The following HERC1 variants were observed in gnomAD, a reference collection of about 807,000 sequenced individuals.
HERC1 encodes HECT and RLD domain containing E3 ubiquitin protein ligase family member 1.
A neutral mutation model predicts 554.3 loss-of-function variants in HERC1; 160 were observed. That is an observed-to-expected ratio of 0.29 (90% confidence interval 0.25 to 0.33). The LOEUF (loss-of-function observed/expected upper bound fraction) is 0.33. Among genes scored for constraint, HERC1 ranks in the 10% least tolerant of loss-of-function variants. The probability of loss-of-function intolerance (pLI) is 1.00; values close to 1 mark genes in which losing one functional copy is unlikely to be tolerated. For synonymous variants in HERC1, 2,175 were observed against 2,131.7 expected (o/e 1.02, Z -0.56); for missense variants, 4,919 against 5,918.5 (o/e 0.83, Z 5.54).
chr15:63,769,707 T>G (rs1292968294), intron 2 of HERC1, among the ~76,000 whole-genome samples: 1 of 151,714 alleles, frequency 6.6e-6, no homozygotes, highest in Non-Finnish European at 1.5e-5. Context: ...TATAAAAAAA[T>G]TAGCCAGGCA....
rs2069262673 is a variant in HERC1 at position 63,645,026 on chromosome 15, G to A, written c.11150C>T (p.Ala3717Val). The change falls in exon 57 of 78, where the codon GCA becomes GTA. Residue 3717 changes from alanine to valine, a missense_variant. By Grantham distance (64) the Ala-to-Val change is moderately conservative (BLOSUM62 0). Coordinates refer to ENST00000443617, the MANE Select transcript of HERC1 (RefSeq NM_003922.4). The part of the protein sequence containing the change: ...QDTTQTNVTS[A>V]EGWWEQESNC... ...TGATTCCTGCTCCCACCATCCTTCTGCACTAGTCACATTGGTCTGTGTAGT... is the reference window on the plus strand; with the variant it reads ...TGATTCCTGCTCCCACCATCCTTCTACACTAGTCACATTGGTCTGTGTAGT... 1 of 1,613,430 alleles carries A rather than the reference G, an allele frequency of 6.2e-7. No homozygotes were observed. The highest frequency in any genetic ancestry group is 8.5e-7 in the Non-Finnish European group (1 of 1,179,498).
chr15:63,737,818 A>T (rs1407811942), intron 12 of HERC1, among the ~76,000 whole-genome samples: 2 of 152,194 alleles, frequency 1.3e-5, no homozygotes, highest in African/African-American at 4.8e-5. Flanking sequence ...CAAAGGATCA[A>T]AAATTTGAAG....
intron 36 of HERC1, among the ~76,000 whole-genome samples, chr15:63,678,636 T>G (rs986304974): frequency 6.6e-6 from 1 of 152,100 alleles, no homozygotes; most frequent in Non-Finnish European, 1.5e-5. Context: ...AAGATGAATA[T>G]AGAGACCAAG....
chr15:63,693,089 A>T lies in HERC1; in HGVS notation c.5675-523T>A, dbSNP rs541348291. Among the ~76,000 whole-genome samples the T allele has an allele frequency of 4.6e-3, 706 of 152,162 alleles. 1 individual carries two copies. The highest frequency in any genetic ancestry group is 8.1e-3 in the Non-Finnish European group (549 of 67,978). ...CCAGCCACTCAGGCTGAGGCAGCAC[A>T]ATCGCTTGAACCTGGGAGGCAGAGG... On this transcript the variant is annotated intron_variant, in intron 30 of 77. Transcript: ENST00000443617.
intron 1 of HERC1, among the ~76,000 whole-genome samples, chr15:63,821,960 A>C (rs2077714992): frequency 6.6e-6 from 1 of 152,060 alleles, no homozygotes; most frequent in Non-Finnish European, 1.5e-5. Flanking sequence ...AAGTGCCATA[A>C]AAAAAAGTAA....
chr15:63,627,770 T>C (rs899573199), intron 70 of HERC1, among the ~76,000 whole-genome samples: 3 of 151,492 alleles, frequency 2.0e-5, no homozygotes, highest in Admixed American at 6.6e-5. Context: ...CTGGAAGGAA[T>C]GGAAGATAGA....
In HERC1 at chr15:63,692,638, C is replaced by T. The variant is rs1366328770; in HGVS notation, c.5675-72G>A. On this transcript the variant is annotated intron_variant, in intron 30 of 77. Transcript: ENST00000443617. The surrounding 1 kb of genome is among the most constrained non-coding windows in gnomAD (Gnocchi z 4.7). ...AATAGTCTTATATCACATAATTTAC[C>T]TTGAAACTGCAGTAAGCACAAATCT... The T allele has an allele frequency of 7.7e-7, 1 of 1,290,952 alleles. No homozygotes were observed. Among genetic ancestry groups the T allele is most frequent in the African/African-American group, 1.5e-5 (1 of 66,712 alleles). The allele number at this position is 1,290,952 out of a possible 1,614,324, so 80.0% of individuals were successfully genotyped here.
At chr15:63,656,909 T>C (rs1240229415) in intron 48 of HERC1, among the ~76,000 whole-genome samples, 1 of 152,238 alleles carries the variant, frequency 6.6e-6, no homozygotes, top group Non-Finnish European at 1.5e-5. Flanking sequence ...GACATATACA[T>C]GAAATCTGCC....
rs146713718 is a variant in HERC1, at chr15:63,767,247, C to T, written c.931-3056G>A. ...CGAACTACTGACCTCAGGCAATCCACCCGTCTCGGCCTCCCAAAGTGCTGG... is the reference window on the plus strand; with the variant it reads ...CGAACTACTGACCTCAGGCAATCCATCCGTCTCGGCCTCCCAAAGTGCTGG... On this transcript the variant is annotated intron_variant, in intron 2 of 77. Transcript: ENST00000443617. Among the ~76,000 whole-genome samples the T allele has an allele frequency of 7.0e-3, 1,069 of 151,774 alleles. 14 individuals carry two copies. Among genetic ancestry groups the T allele is most frequent in the African/African-American group, 0.025 (1,029 of 41,406 alleles).
chr15:63,723,193 G>T lies in HERC1; in HGVS notation c.3731C>A (p.Ala1244Asp). Residue 1244 changes from alanine (A) to aspartate (D), a missense_variant, in exon 19 of 78, where the codon GCT becomes GAT. Physicochemically the swap from Ala to Asp is moderately radical, Grantham distance 126 (BLOSUM62 -2). This residue lies in a region of HERC1 where 1,121 missense variants were observed against 1,244.0 expected (regional missense o/e 0.90). Coordinates refer to ENST00000443617, the MANE Select transcript of HERC1 (RefSeq NM_003922.4). ...RSLWISMQDY[A>D]VSKDWDSATL... ...CTTCTTTATCTTACCTTTACTAACA[G>T]CATAGTCCTGCATGCTGATCCAAAG... The T allele has an allele frequency of 6.5e-7, 1 of 1,526,862 alleles. No homozygotes were observed. The highest frequency in any genetic ancestry group is 8.8e-7 in the Non-Finnish European group (1 of 1,134,782). The allele number at this position is 1,526,862 out of a possible 1,614,324, so 94.6% of individuals were successfully genotyped here.
At chr15:63,765,151 T>G (rs1487661790) in intron 2 of HERC1, among the ~76,000 whole-genome samples, 1 of 152,180 alleles carries the variant, frequency 6.6e-6, no homozygotes, top group East Asian at 1.9e-4. Flanking sequence ...CACCTTATCT[T>G]ATATAAAATG....
chr15:63,780,582 C>G (rs2076258424), intron 1 of HERC1: 1 of 151,902 alleles, frequency 6.6e-6, no homozygotes, highest in African/African-American at 2.4e-5. Context: ...ATTAGCTGGG[C>G]GTGGTGGTGG....
At chr15:63,641,431 G>GGTATCTGT in intron 60 of HERC1, 39 bp downstream of exon 60, 1 of 1,532,352 alleles carries the variant, frequency 6.5e-7, no homozygotes, top group South Asian at 1.2e-5. Context: ...CAAAGCACCA[G>GGTATCTGT]GTATCTGTGT....
In HERC1 at chr15:63,756,587, T is replaced by C. The variant is rs564475566; in HGVS notation, c.1383A>G (p.Ser461=). 1.9e-6 allele frequency: 3 copies of C among 1,613,890 alleles called. No individual in the cohort carries two copies. Among genetic ancestry groups the C allele is most frequent in the African/African-American group, 2.7e-5 (2 of 74,936 alleles). The change falls in exon 5 of 78, where the codon TCA becomes TCG. Residue 461 remains serine, a synonymous_variant. Coordinates refer to ENST00000443617, the MANE Select transcript of HERC1 (RefSeq NM_003922.4). The surrounding 1 kb of genome is among the most constrained non-coding windows in gnomAD (Gnocchi z 5.0). ...FEPHRSIKKV[S]SSKGSDGHTL... ...TGTGACCATCAGATCCTTTAGAAGA[T>C]GAAACCTTTTTAATGGATCTGTGAG...
chr15:63,729,790 A>G (rs1331098741), intron 14 of HERC1, 141 bp from the exon 15 acceptor site: 3 of 710,200 alleles, frequency 4.2e-6, no homozygotes, highest in Middle Eastern at 3.9e-4. Flanking sequence ...TGGGAGTCCG[A>G]GGCAGGTACA....
intron 1 of HERC1, among the ~76,000 whole-genome samples, chr15:63,798,678 T>C (rs2076886820): frequency 6.6e-6 from 1 of 152,206 alleles, no homozygotes; most frequent in Admixed American, 6.5e-5. Flanking sequence ...GATAATGCAC[T>C]CACTCCTCAC....
At chr15:63,745,035 T>C (rs1324838253) in intron 12 of HERC1, among the ~76,000 whole-genome samples, 2 of 152,186 alleles carry the variant, frequency 1.3e-5, no homozygotes, top group South Asian at 2.1e-4. Flanking sequence ...GGGGCATGTC[T>C]AGAAATGTCA....
At position 63,692,405 on chromosome 15, in the gene HERC1, A is replaced by G. The variant is rs2072162948; in HGVS notation, c.5830+6T>C. Reference sequence around the variant, plus strand: ...ATACTCTAAGACAAAGGCAAAGGACATGTACCTGAAGAACATTTCTGAGAT... The same window carrying G: ...ATACTCTAAGACAAAGGCAAAGGACGTGTACCTGAAGAACATTTCTGAGAT... On this transcript the variant is annotated splice_donor_region_variant and intron_variant, in intron 31 of 77. Coordinates refer to ENST00000443617, the MANE Select transcript of HERC1 (RefSeq NM_003922.4). The surrounding 1 kb of genome is among the most constrained non-coding windows in gnomAD (Gnocchi z 4.7). The G allele has an allele frequency of 1.3e-6, 2 of 1,594,936 alleles. No individual in the cohort carries two copies. The highest frequency in any genetic ancestry group is 1.4e-5 in the African/African-American group (1 of 73,680).
intron 26 of HERC1, among the ~76,000 whole-genome samples, chr15:63,697,916 G>A (rs963137301): frequency 3.3e-5 from 5 of 152,174 alleles, no homozygotes; most frequent in Non-Finnish European, 7.3e-5. Flanking sequence ...GGAGAACTAT[G>A]GAAGAATTGT....
Sources: allele counts gnomAD v4.1 joint callset (sites outside exome capture counted in the v4.1 genomes callset), GRCh38; gene constraint gnomAD v4.1.1; regional missense constraint gnomAD v4.1.1; non-coding constraint Gnocchi (gnomAD v3.1); transcripts MANE v1.5; gene names NCBI Gene and HGNC (gene_info 2026-07-23, HGNC 2026-07-21).